CEP41: variants seen among roughly 807,000 people sequenced by gnomAD.
CEP41 encodes centrosomal protein 41.
Under a neutral mutation model 44.3 loss-of-function variants are expected in CEP41, and 32 were observed. That is an observed-to-expected ratio of 0.72 (90% CI 0.54 to 0.97). The LOEUF (loss-of-function observed/expected upper bound fraction) is 0.97, where lower values mean the gene tolerates loss of function less well. Ranked by LOEUF, CEP41 falls within the 50% of genes least tolerant of loss-of-function variation. The probability of loss-of-function intolerance (pLI) is 0.00; values close to 1 mark genes in which losing one functional copy is unlikely to be tolerated. For missense variants in CEP41, 432 were observed against 455.2 expected (o/e 0.95, Z 0.46); for synonymous variants, 151 against 168.5 (o/e 0.90, Z 0.80).
At position 130,398,916 on chromosome 7, in the gene CEP41, T is replaced by C; in HGVS notation, c.1097A>G (p.His366Arg). ...TTACTTCCAGGGTTTGCCTTGCAGG[T>C]GACCACTGCTGAGGGAGCGGGGGTT... ...HSNPRSLSSG[H>R]LQGKPWK Residue 366 changes from histidine (H) to arginine (R), a missense_variant, in exon 11 of 11, where the codon CAC (histidine) becomes CGC (arginine). By Grantham distance (29) the His-to-Arg change is conservative. Coordinates refer to ENST00000223208, the MANE Select transcript of CEP41 (RefSeq NM_018718.3). 6.2e-7 allele frequency: 1 copy of C among 1,614,242 alleles called. No individual in the cohort carries two copies. Among genetic ancestry groups the C allele is most frequent in the Non-Finnish European group, 8.5e-7 (1 of 1,180,040 alleles).
At chr7:130,440,746 G>T in intron 1 of CEP41, 188 bp downstream of exon 1, 2 of 657,912 alleles carry the variant, frequency 3.0e-6, no homozygotes, top group South Asian at 1.8e-5. Flanking sequence ...TCCTCAAAAC[G>T]GGGTCCTGAA....
At chr7:130,412,352 A>G (rs982111386) in intron 3 of CEP41, 112 bp from the exon 4 acceptor site, 2 of 673,970 alleles carry the variant, frequency 3.0e-6, no homozygotes, top group Non-Finnish European at 5.4e-6. Flanking sequence ...TACATCTATT[A>G]TCTCATTTGA....
At chr7:130,439,361 G>C (rs782565035) in intron 1 of CEP41, among the ~76,000 whole-genome samples, 3 of 151,878 alleles carry the variant, frequency 2.0e-5, no homozygotes, top group Non-Finnish European at 2.9e-5. Context: ...TTTTTTGCAG[G>C]GGGGAGGGGA....
At position 130,404,548 on chromosome 7, in the gene CEP41, A is replaced by G; in HGVS notation, c.422+16T>C. On this transcript the variant is annotated intron_variant, in intron 6 of 10. Transcript: ENST00000223208. Reference sequence around the variant, plus strand: ...AAAGGCAAAATGCAGTGAAAATATGAATCAGCTTCGAGTACCTCTGAAGAG... The same window carrying G: ...AAAGGCAAAATGCAGTGAAAATATGGATCAGCTTCGAGTACCTCTGAAGAG... 2 of 1,611,000 alleles carry G rather than the reference A, an allele frequency of 1.2e-6. No homozygotes were observed. Among genetic ancestry groups the G allele is most frequent in the Non-Finnish European group, 1.7e-6 (2 of 1,177,206 alleles).
rs542786464 is a variant in CEP41 at position 130,400,883 on chromosome 7, C to T, written c.643-62G>A. ...GCTGATGTCCCAAGACTACGAGAAA[C>T]CCCCAAGGAATAAAAGGTCAGGTCC... On this transcript the variant is annotated intron_variant, in intron 8 of 10. Coordinates refer to ENST00000223208, the MANE Select transcript of CEP41 (RefSeq NM_018718.3). 4.6e-6 allele frequency: 5 copies of T among 1,083,984 alleles called. No individual in the cohort carries two copies. The African/African-American group carries it at 4.7e-5, about 10-fold the overall frequency. 67.1% of individuals were successfully genotyped at this position (1,083,984 alleles called of 1,614,324 possible). A position where few individuals can be genotyped will look rare whatever the true frequency, so the allele number is the denominator to read the frequency against.
At chr7:130,413,772 T>A (rs939553639) in intron 3 of CEP41, among the ~76,000 whole-genome samples, 1 of 152,212 alleles carries the variant, frequency 6.6e-6, no homozygotes, top group Admixed American at 6.5e-5. Context: ...TGTTAAAGGT[T>A]AGCTTCCTTA....
Position 130,394,368 on chromosome 7 carries a change from A to G in CEP41, c.*4523T>C. 2.2e-6 allele frequency: 1 copy of G among 454,124 alleles called. No homozygotes were observed. The highest frequency in any genetic ancestry group is 4.4e-6 in the Non-Finnish European group (1 of 226,796). The allele number at this position is 454,124 out of a possible 1,614,324, so 28.1% of individuals were successfully genotyped here. On this transcript the variant is annotated 3_prime_UTR_variant, in exon 11 of 11. Transcript: ENST00000223208. ...ACTGTTGTGGAAATTAAATGGGTCA[A>G]AACATATAATGAAGAATCTAGGAGC... is the stretch of plus-strand genomic sequence containing the variant.
chr7:130,404,921 G>A (rs1796964284), intron 5 of CEP41, among the ~76,000 whole-genome samples: 1 of 152,138 alleles, frequency 6.6e-6, no homozygotes, highest in Non-Finnish European at 1.5e-5. Flanking sequence ...ATTTTCATGA[G>A]ATGTTACTTG....
chr7:130,421,543 TATA>T, intron 2 of CEP41: 1 of 985,456 alleles, frequency 1.0e-6, no homozygotes, highest in Non-Finnish European at 1.2e-6. Context: ...GTACCTAGTC[TATA>T]ATGAGTTTGA....
At chr7:130,429,051 G>T (rs35931126) in intron 1 of CEP41, among the ~76,000 whole-genome samples, 19,845 of 152,216 alleles carry the variant, frequency 0.13, 1,711 homozygotes, top group Middle Eastern at 0.22. Flanking sequence ...CTGTTAAGAT[G>T]ACCAAAGGCA....
At position 130,397,506 on chromosome 7, in the gene CEP41, ATTTTTTTTTTTTTTTTT is replaced by A. The variant is rs55776575; in HGVS notation, c.*1368_*1384del. 5 of 212,954 alleles carry A rather than the reference ATTTTTTTTTTTTTTTTT, an allele frequency of 2.3e-5. No homozygotes were observed. The highest frequency in any genetic ancestry group is 2.1e-4 in the African/African-American group (4 of 19,232). The allele number at this position is 212,954 out of a possible 1,614,324, so 13.2% of individuals were successfully genotyped here. A position where few individuals can be genotyped will look rare whatever the true frequency, so the allele number is the denominator to read the frequency against. ...CCCCATGCTAGAAATACTGTGGTGC[ATTTTTTTTTTTTTTTTT>A]TTTTTTTTTTGGTGGCGAGAAAATA... On this transcript the variant is annotated 3_prime_UTR_variant, in exon 11 of 11. Transcript: ENST00000223208.
intron 5 of CEP41, 131 bp downstream of exon 5, chr7:130,410,990 GA>G: frequency 1.2e-6 from 1 of 841,466 alleles, no homozygotes; most frequent in Non-Finnish European, 2.1e-6. Context: ...ATTTCCCTGA[GA>G]GTAACAATCT....
chr7:130,439,650 A>T (rs1348605023), intron 1 of CEP41, among the ~76,000 whole-genome samples: 1 of 152,186 alleles, frequency 6.6e-6, no homozygotes, highest in Non-Finnish European at 1.5e-5. Flanking sequence ...CCAATTGACC[A>T]TGGCTCTCTT....
In CEP41 at chr7:130,394,177, A is replaced by G. The variant is rs782085608; in HGVS notation, c.*4714T>C. 2.0e-4 allele frequency: 93 copies of G among 453,960 alleles called. No homozygotes were observed. The highest frequency in any genetic ancestry group is 2.6e-5 in the Non-Finnish European group (6 of 226,794). The allele number at this position is 453,960 out of a possible 1,614,324, so 28.1% of individuals were successfully genotyped here. A position where few individuals can be genotyped will look rare whatever the true frequency, so the allele number is the denominator to read the frequency against. On this transcript the variant is annotated 3_prime_UTR_variant, in exon 11 of 11. Transcript: ENST00000223208. ...ATGGTTGTGCCCACCCAGAGTGAGAAGCATAGAGCGGAGTGGCTGAAAGAA... is the reference window on the plus strand; with the variant it reads ...ATGGTTGTGCCCACCCAGAGTGAGAGGCATAGAGCGGAGTGGCTGAAAGAA...
intron 1 of CEP41, among the ~76,000 whole-genome samples, chr7:130,428,483 C>A (rs1797732653): frequency 7.1e-6 from 1 of 140,504 alleles, no homozygotes; most frequent in African/African-American, 2.6e-5. Flanking sequence ...GTCCAATTGT[C>A]TTTTCAATAT....
chr7:130,403,579 T>A (rs1796919376), intron 6 of CEP41, among the ~76,000 whole-genome samples: 1 of 152,202 alleles, frequency 6.6e-6, no homozygotes, highest in African/African-American at 2.4e-5. Context: ...ATATCCTTAC[T>A]GGAATAAGAA....
chr7:130,410,029 C>CTTTTTTTTTTTTT (rs782636525), intron 5 of CEP41, among the ~76,000 whole-genome samples: 2 of 139,888 alleles, frequency 1.4e-5, no homozygotes, highest in African/African-American at 2.6e-5. Context: ...CCTCGGTCTT[C>CTTTTTTTTTTTTT]TTTTTTTTTT....
Position 130,400,131 on chromosome 7 carries a change from AG to A in CEP41, c.880del (p.Leu294TyrfsTer14), listed in dbSNP as rs782180322. ...AAATCTCCATTTATTCTCAGCTGGT[AG>A]GGGTGGCCCTTTGGGGCTGGATCGT... ...RKRSSPKGPP[L>X]PAENKWRFTP... On this transcript the variant is annotated frameshift_variant, in exon 10 of 11. Coordinates refer to ENST00000223208, the MANE Select transcript of CEP41 (RefSeq NM_018718.3). LOFTEE classifies it high-confidence loss of function. 3 of 1,613,738 alleles carry A rather than the reference AG, an allele frequency of 1.9e-6. No individual in the cohort carries two copies. The Admixed American group carries it at 5.0e-5, about 27-fold the overall frequency.
chr7:130,438,271 C>T (rs1798034257), intron 1 of CEP41, among the ~76,000 whole-genome samples: 1 of 152,136 alleles, frequency 6.6e-6, no homozygotes, highest in Admixed American at 6.6e-5. Context: ...AAAATAGTAA[C>T]TATTGGCAGG....
Sources: allele counts gnomAD v4.1 joint callset (sites outside exome capture counted in the v4.1 genomes callset), GRCh38; gene constraint gnomAD v4.1.1; transcripts MANE v1.5; gene names NCBI Gene and HGNC (gene_info 2026-07-23, HGNC 2026-07-21).